PRICKLE1: variants seen among roughly 807,000 people sequenced by gnomAD.
PRICKLE1 encodes the protein prickle-like protein 1.
PRICKLE1 carries 14 observed loss-of-function variants against 70.2 expected under a neutral mutation model. The ratio of observed to expected loss-of-function variants is 0.20; its 90% CI spans 0.13 to 0.31. The LOEUF is 0.31. Ranked by LOEUF, PRICKLE1 falls within the 10% of genes least tolerant of loss-of-function variation. The pLI, the probability that PRICKLE1 is intolerant of heterozygous loss-of-function variation, is 1.00. For synonymous variants in PRICKLE1, 357 were observed against 379.9 expected, an observed-to-expected ratio of 0.94 and a Z score of 0.70; for missense variants, 821 against 1,026.2, an observed-to-expected ratio of 0.80 and a Z score of 2.73.
chr12:42,546,152 A>G (rs972096218), intron 1 of PRICKLE1, among the ~76,000 whole-genome samples: 1 of 152,190 alleles, frequency 6.6e-6, no homozygotes, highest in Non-Finnish European at 1.5e-5. Context: ...GCCTGATGCC[A>G]AGCCAAAAAA....
At chr12:42,535,120 T>C (rs553132952) in intron 1 of PRICKLE1, among the ~76,000 whole-genome samples, 1 of 152,252 alleles carries the variant, frequency 6.6e-6, no homozygotes, top group African/African-American at 2.4e-5. Context: ...GGTTCAGATA[T>C]GGTATATGAC....
intron 1 of PRICKLE1, among the ~76,000 whole-genome samples, chr12:42,513,538 G>A (rs1939553664): frequency 6.6e-6 from 1 of 152,012 alleles, no homozygotes; most frequent in African/African-American, 2.4e-5. Context: ...ATTCCAGCCT[G>A]GGCAACATAG....
intron 1 of PRICKLE1, among the ~76,000 whole-genome samples, chr12:42,495,389 A>C (rs1442422817): frequency 5.4e-5 from 8 of 149,022 alleles, no homozygotes; most frequent in African/African-American, 1.5e-4. Flanking sequence ...TCAAAAAAAA[A>C]AAAAAAAAAA....
intron 1 of PRICKLE1, among the ~76,000 whole-genome samples, chr12:42,549,612 T>C (rs1940275193): frequency 6.6e-6 from 1 of 152,110 alleles, no homozygotes; most frequent in South Asian, 2.1e-4. Flanking sequence ...AACCCAAACC[T>C]ACAAGTCCCC....
chr12:42,459,790 G>C lies in PRICKLE1; in HGVS notation c.*19C>G. On this transcript the variant is annotated 3_prime_UTR_variant, in exon 8 of 8. Coordinates refer to ENST00000345127, the MANE Select transcript of PRICKLE1 (RefSeq NM_153026.3). Reference sequence around the variant, plus strand: ...GTTAATGGCTAAGTTTTAAACAAATGCTCTGCATCACTACTTGGTTAAGAA... The same window carrying C: ...GTTAATGGCTAAGTTTTAAACAAATCCTCTGCATCACTACTTGGTTAAGAA... 6.2e-7 allele frequency: 1 copy of C among 1,613,912 alleles called. No individual in the cohort carries two copies. Among genetic ancestry groups the C allele is most frequent in the Non-Finnish European group, 8.5e-7 (1 of 1,179,828 alleles).
intron 1 of PRICKLE1, chr12:42,482,911 C>G (rs1032734490): frequency 1.3e-5 from 2 of 152,250 alleles, no homozygotes; most frequent in African/African-American, 4.8e-5. Context: ...TCGGCGCCCC[C>G]TGGGCCCCGC....
In PRICKLE1 at chr12:42,465,028, T is replaced by C; in HGVS notation, c.1006A>G (p.Met336Val). The C allele has an allele frequency of 1.9e-6, 3 of 1,596,292 alleles. No individual in the cohort carries two copies. The highest frequency in any genetic ancestry group is 2.6e-6 in the Non-Finnish European group (3 of 1,172,198). The change falls in exon 7 of 8, where the codon ATG becomes GTG. Residue 336 changes from methionine (M) to valine (V), a missense_variant. By Grantham distance (21) the Met-to-Val change is conservative. Coordinates refer to ENST00000345127, the MANE Select transcript of PRICKLE1 (RefSeq NM_153026.3). ...TCTGCTGACCGGCTGCTCTTGCCCA[T>C]TCGGACACTTCTTCGGGAGTCTCTT... is the stretch of plus-strand genomic sequence containing the variant. ...RSRDSRRSVR[M>V]GKSSRSADQC...
rs1025341174 is a variant in PRICKLE1, at chr12:42,457,534, C to A, written c.*2275G>T. 1 of 152,176 alleles carries A rather than the reference C, an allele frequency of 6.6e-6. No homozygotes were observed. The highest frequency in any genetic ancestry group is 1.5e-5 in the Non-Finnish European group (1 of 68,044). The allele number at this position is 152,176 out of a possible 1,614,324, so 9.4% of individuals were successfully genotyped here. ...ACATTAATGTAAATCAGGAGAATTTCTTTTGGAGGAAAATTGGCAATATCC... is the reference window on the plus strand; with the variant it reads ...ACATTAATGTAAATCAGGAGAATTTATTTTGGAGGAAAATTGGCAATATCC... On this transcript the variant is annotated 3_prime_UTR_variant, in exon 8 of 8. Coordinates refer to ENST00000345127, the MANE Select transcript of PRICKLE1 (RefSeq NM_153026.3).
chr12:42,513,567 GAA>G (rs5797805), intron 1 of PRICKLE1, among the ~76,000 whole-genome samples: 25 of 144,866 alleles, frequency 1.7e-4, no homozygotes, highest in African/African-American at 5.5e-4. Flanking sequence ...TGTTGGGCTG[GAA>G]AAAAAAAAAT....
chr12:42,507,476 A>G (rs905153964), intron 1 of PRICKLE1, among the ~76,000 whole-genome samples: 3 of 152,192 alleles, frequency 2.0e-5, no homozygotes, highest in African/African-American at 7.2e-5. Flanking sequence ...AAATGATTCC[A>G]TCTGTTCACA....
chr12:42,469,653 C>T, intron 3 of PRICKLE1, 66 bp from the exon 4 acceptor site: 17 of 1,604,572 alleles, frequency 1.1e-5, no homozygotes, highest in Non-Finnish European at 1.4e-5. Flanking sequence ...TTCTCTACTT[C>T]CAGAGTTAGG....
chr12:42,567,966 C>G (rs1279181324), intron 1 of PRICKLE1, among the ~76,000 whole-genome samples: 1 of 152,060 alleles, frequency 6.6e-6, no homozygotes, highest in African/African-American at 2.4e-5. Context: ...TTGTAATTCT[C>G]AATAATGTAT....
intron 1 of PRICKLE1, among the ~76,000 whole-genome samples, chr12:42,501,609 T>C (rs1475923162): frequency 6.6e-6 from 1 of 150,868 alleles, no homozygotes; most frequent in Non-Finnish European, 1.5e-5. Context: ...ACCTTTAAAA[T>C]GACCTTCCCT....
intron 1 of PRICKLE1, among the ~76,000 whole-genome samples, chr12:42,514,401 T>A (rs1939567986): frequency 6.6e-6 from 1 of 150,460 alleles, no homozygotes; most frequent in Non-Finnish European, 1.5e-5. Context: ...AGAAGAAAGA[T>A]CATCATCTTT....
chr12:42,485,667 G>A (rs1938975133), intron 1 of PRICKLE1, among the ~76,000 whole-genome samples: 1 of 152,196 alleles, frequency 6.6e-6, no homozygotes, highest in African/African-American at 2.4e-5. Flanking sequence ...GATAAAGGGA[G>A]TATCAGCAGG....
In PRICKLE1 at chr12:42,469,998, G is replaced by C. The variant is rs574934195; in HGVS notation, c.246+248C>G. On this transcript the variant is annotated intron_variant, in intron 3 of 7. Transcript: ENST00000345127. ...GGCTGGGAAATCTCAGGAATTTGTAGGTTCCTGATCATTGGTGGGTGGCTG... is the reference window on the plus strand; with the variant it reads ...GGCTGGGAAATCTCAGGAATTTGTACGTTCCTGATCATTGGTGGGTGGCTG... 9.6e-6 allele frequency: 5 copies of C among 520,208 alleles called. No homozygotes were observed. The South Asian group carries it at 1.0e-4, about 11-fold the overall frequency. 32.2% of individuals were successfully genotyped at this position (520,208 alleles called of 1,614,324 possible).
At chr12:42,501,176 A>G (rs1024851906) in intron 1 of PRICKLE1, among the ~76,000 whole-genome samples, 4 of 151,286 alleles carry the variant, frequency 2.6e-5, no homozygotes, top group Non-Finnish European at 5.9e-5. Context: ...TGGCTAGACA[A>G]TCTCTGTAAA....
chr12:42,470,061 C>A (rs1938254800), intron 3 of PRICKLE1, 185 bp downstream of exon 3: 1 of 594,974 alleles, frequency 1.7e-6, no homozygotes, highest in African/African-American at 1.9e-5. Context: ...AAGTTTATTA[C>A]ACTGATACTC....
intron 1 of PRICKLE1, among the ~76,000 whole-genome samples, chr12:42,573,933 G>A (rs1940763302): frequency 6.6e-6 from 1 of 152,126 alleles, no homozygotes; most frequent in African/African-American, 2.4e-5. Context: ...TCTAAATTTA[G>A]GACTGAGAAG....
Sources: gnomAD v4.1 joint callset for allele counts (sites outside exome capture counted in the v4.1 genomes callset) on GRCh38, gnomAD v4.1.1 for gene constraint, MANE v1.5 for transcripts, NCBI Gene and HGNC (gene_info 2026-07-23, HGNC 2026-07-21) for gene names.